PHLPP1: variants seen among roughly 807,000 people sequenced by gnomAD.
PHLPP1 encodes PH domain leucine-rich repeat-containing protein phosphatase 1.
Under a neutral mutation model 117.2 loss-of-function variants are expected in PHLPP1, and 42 were observed. That is an observed-to-expected ratio of 0.36 (90% CI 0.28 to 0.46). The LOEUF (loss-of-function observed/expected upper bound fraction) is 0.46. Ranked by LOEUF, PHLPP1 falls within the 20% of genes least tolerant of loss-of-function variation. PHLPP1 has a pLI of 1.00. For synonymous variants in PHLPP1, 1,042 were observed against 970.7 expected (o/e 1.07, Z -1.37); for missense variants, 2,084 against 2,241.9 (o/e 0.93, Z 1.42).
chr18:62,815,812 T>C (rs1444918735), intron 1 of PHLPP1, among the ~76,000 whole-genome samples: 2 of 152,246 alleles, frequency 1.3e-5, no homozygotes, highest in Non-Finnish European at 2.9e-5. Flanking sequence ...TGGGCATATA[T>C]TTAAACTTGT....
At chr18:62,863,287 G>A (rs898756175) in intron 4 of PHLPP1, among the ~76,000 whole-genome samples, 3 of 151,472 alleles carry the variant, frequency 2.0e-5, no homozygotes, top group African/African-American at 4.9e-5. Flanking sequence ...AGCAACCTTC[G>A]CCTCCCGTGC....
chr18:62,788,090 C>T (rs1158295181), intron 1 of PHLPP1, among the ~76,000 whole-genome samples: 1 of 152,192 alleles, frequency 6.6e-6, no homozygotes, highest in Non-Finnish European at 1.5e-5. Context: ...TCAATGAAGA[C>T]GTTATGCCAA....
At chr18:62,966,406 T>C (rs866888040) in intron 14 of PHLPP1, among the ~76,000 whole-genome samples, 1 of 151,854 alleles carries the variant, frequency 6.6e-6, no homozygotes, top group African/African-American at 2.4e-5. Context: ...AATTTATATA[T>C]GTAAGAGGTA....
At chr18:62,935,190 A>T (rs1160652618) in intron 10 of PHLPP1, among the ~76,000 whole-genome samples, 2 of 152,248 alleles carry the variant, frequency 1.3e-5, no homozygotes, top group Non-Finnish European at 2.9e-5. Flanking sequence ...AGTAGCAGGG[A>T]TATAAAGTTA....
chr18:62,822,286 GT>G (rs1017764937), intron 1 of PHLPP1, among the ~76,000 whole-genome samples: 7 of 133,170 alleles, frequency 5.3e-5, no homozygotes, highest in Non-Finnish European at 6.3e-5. Context: ...TTTTGTTTTT[GT>G]TTTTTTTTTT....
chr18:62,719,498 G>T (rs117348909), intron 1 of PHLPP1, among the ~76,000 whole-genome samples: 2 of 152,164 alleles, frequency 1.3e-5, no homozygotes, highest in African/African-American at 4.8e-5. Flanking sequence ...TTTGCACCAG[G>T]CTGGAAGTGA....
intron 13 of PHLPP1, 44 bp downstream of exon 13, chr18:62,958,803 G>A: frequency 6.3e-7 from 1 of 1,599,442 alleles, no homozygotes; most frequent in Non-Finnish European, 8.6e-7. Flanking sequence ...TTGTCCACTG[G>A]CAATGGGATT....
chr18:62,951,630 T>C (rs950822873), intron 12 of PHLPP1, among the ~76,000 whole-genome samples: 3 of 152,054 alleles, frequency 2.0e-5, no homozygotes, highest in African/African-American at 7.2e-5. Flanking sequence ...AAGTCTCTTT[T>C]TCAGTCTAAA....
At chr18:62,787,052 C>T (rs765846130) in intron 1 of PHLPP1, among the ~76,000 whole-genome samples, 32 of 151,998 alleles carry the variant, frequency 2.1e-4, no homozygotes, top group African/African-American at 3.6e-4. Context: ...TATTTAGAGA[C>T]GGAGTCTCAC....
chr18:62,814,220 A>G (rs1364008940), intron 1 of PHLPP1, among the ~76,000 whole-genome samples: 2 of 152,332 alleles, frequency 1.3e-5, no homozygotes, highest in East Asian at 3.9e-4. Context: ...TGGGCAGTTG[A>G]CTTCATATAT....
At chr18:62,890,546 G>A (rs1292114114) in intron 4 of PHLPP1, among the ~76,000 whole-genome samples, 4 of 152,146 alleles carry the variant, frequency 2.6e-5, no homozygotes, top group Non-Finnish European at 5.9e-5. Flanking sequence ...GATTACAGGC[G>A]TGAGCCACTC....
chr18:62,812,871 A>G (rs898999492), intron 1 of PHLPP1, among the ~76,000 whole-genome samples: 1 of 152,146 alleles, frequency 6.6e-6, no homozygotes, highest in Non-Finnish European at 1.5e-5. Context: ...AGCTAAACCT[A>G]CGGAACTGAA....
chr18:62,932,494 A>G (rs548677416), intron 10 of PHLPP1, among the ~76,000 whole-genome samples: 1 of 152,368 alleles, frequency 6.6e-6, no homozygotes, highest in African/African-American at 2.4e-5. Context: ...GATTCACCAC[A>G]TAAACAGAAT....
intron 1 of PHLPP1, among the ~76,000 whole-genome samples, chr18:62,753,723 T>C (rs1330135083): frequency 1.3e-5 from 2 of 152,258 alleles, no homozygotes; most frequent in Admixed American, 6.5e-5. Flanking sequence ...ATGTTACTAT[T>C]GTTGATGTAC....
chr18:62,837,979 T>A (rs1220489561), intron 2 of PHLPP1: 1 of 152,112 alleles, frequency 6.6e-6, no homozygotes, highest in African/African-American at 2.4e-5. Context: ...CCTTCCAAGT[T>A]CTTAAGGTGC....
At chr18:62,969,117 G>T (rs914070104) in intron 14 of PHLPP1, among the ~76,000 whole-genome samples, 2 of 151,886 alleles carry the variant, frequency 1.3e-5, no homozygotes, top group African/African-American at 2.4e-5. Flanking sequence ...CTGTTGCCCA[G>T]GCTGATCTTA....
At chr18:62,741,005 T>C (rs990418066) in intron 1 of PHLPP1, among the ~76,000 whole-genome samples, 1 of 152,084 alleles carries the variant, frequency 6.6e-6, no homozygotes, top group African/African-American at 2.4e-5. Context: ...ATATAATTGC[T>C]CAAATATTTA....
intron 1 of PHLPP1, among the ~76,000 whole-genome samples, chr18:62,799,988 G>A (rs1913730426): frequency 6.6e-6 from 1 of 152,116 alleles, no homozygotes; most frequent in Middle Eastern, 3.2e-3. Context: ...ATCAACTGCT[G>A]GAGATGTTAT....
chr18:62,979,628 C>T lies in PHLPP1; in HGVS notation c.*197C>T. The T allele has an allele frequency of 1.7e-6, 1 of 602,688 alleles. No individual in the cohort carries two copies. Among genetic ancestry groups the T allele is most frequent in the East Asian group, 2.8e-5 (1 of 35,826 alleles). 37.3% of individuals were successfully genotyped at this position (602,688 alleles called of 1,614,324 possible). On this transcript the variant is annotated 3_prime_UTR_variant, in exon 17 of 17. Transcript: ENST00000262719. Reference sequence around the variant, plus strand: ...TAATCACCACTTTCTTCTAGTGATGCTTTACCAATATGATTTACATTTGTT... The same window carrying T: ...TAATCACCACTTTCTTCTAGTGATGTTTTACCAATATGATTTACATTTGTT...
Sources: gnomAD v4.1 joint callset for allele counts (sites outside exome capture counted in the v4.1 genomes callset) on GRCh38, gnomAD v4.1.1 for gene constraint, MANE v1.5 for transcripts, NCBI Gene and HGNC (gene_info 2026-07-23, HGNC 2026-07-21) for gene names.